Variants in SLC1A1 observed in about 807,000 individuals in gnomAD.
SLC1A1 encodes the protein excitatory amino acid transporter 3.
SLC1A1 carries 43 observed loss-of-function variants against 53.3 expected under a neutral mutation model. The ratio of observed to expected loss-of-function variants is 0.81; its 90% confidence interval spans 0.63 to 1.04. The LOEUF (loss-of-function observed/expected upper bound fraction) is 1.04, where lower values mean the gene tolerates loss of function less well. Ranked by LOEUF, SLC1A1 falls within the 50% of genes least tolerant of loss-of-function variation. The pLI is 0.00. For synonymous variants in SLC1A1, 307 were observed against 243.2 expected (o/e 1.26, Z -2.44); for missense variants, 748 against 664.9 (o/e 1.12, Z -1.37).
chr9:4,531,765 G>C (rs531968869), intron 1 of SLC1A1, among the ~76,000 whole-genome samples: 1 of 152,124 alleles, frequency 6.6e-6, no homozygotes, highest in Non-Finnish European at 1.5e-5. Context: ...CTCCTCAAGT[G>C]GGTCCCTGAC....
chr9:4,541,043 G>T (rs1344989923), intron 1 of SLC1A1, among the ~76,000 whole-genome samples: 1 of 152,184 alleles, frequency 6.6e-6, no homozygotes, highest in African/African-American at 2.4e-5. Flanking sequence ...CTGTGTCTGT[G>T]GTGGGAAGGA....
intron 10 of SLC1A1, among the ~76,000 whole-genome samples, chr9:4,577,743 G>A (rs1172032829): frequency 3.9e-5 from 6 of 152,184 alleles, no homozygotes; most frequent in South Asian, 2.1e-4. Flanking sequence ...CCAAAGTGCC[G>A]GGATTATAGG....
In SLC1A1 at chr9:4,490,753, T is replaced by G. The variant is rs1820203209; in HGVS notation, c.74T>G (p.Val25Gly). Residue 25 changes from valine to glycine, a missense_variant, in exon 1 of 12, where the codon GTG becomes GGG. Transcript: ENST00000262352. ...AATAACTGGGTGTTGCTGTCCACCG[T>G]GGCCGCGGTGGTGCTAGGTGAGCGG... is the stretch of plus-strand genomic sequence containing the variant. ...LKNNWVLLST[V>G]AAVVLGITTG... 2 of 1,612,178 alleles carry G rather than the reference T, an allele frequency of 1.2e-6. No individual in the cohort carries two copies. Among genetic ancestry groups the G allele is most frequent in the Non-Finnish European group, 1.7e-6 (2 of 1,178,650 alleles).
chr9:4,494,428 C>T (rs1385163792), intron 1 of SLC1A1, among the ~76,000 whole-genome samples: 1 of 152,002 alleles, frequency 6.6e-6, no homozygotes, highest in African/African-American at 2.4e-5. Context: ...TTAATATTTT[C>T]TTATGAAATA....
chr9:4,502,596 C>T (rs558294131), intron 1 of SLC1A1, among the ~76,000 whole-genome samples: 2 of 151,518 alleles, frequency 1.3e-5, no homozygotes, highest in East Asian at 3.9e-4. Flanking sequence ...CCCATTTTAC[C>T]AGATGAGGAA....
rs185038250 is a variant in SLC1A1, at chr9:4,514,803, T to C, written c.91+24033T>C. ...GCAGAATGAACTGGCAGAGACAAGA[T>C]TGTATGCAGAAAGAGTTTTAGGAAG... On this transcript the variant is annotated intron_variant, in intron 1 of 11. Transcript: ENST00000262352. Among the ~76,000 whole-genome samples the C allele has an allele frequency of 8.5e-5, 13 of 152,218 alleles. No homozygotes were observed. The East Asian group carries it at 1.2e-3, about 14-fold the overall frequency.
Position 4,490,768 on chromosome 9 carries a change from T to C in SLC1A1, c.89T>C (p.Leu30Pro), listed in dbSNP as rs1448790496. ...CTGTCCACCGTGGCCGCGGTGGTGC[T>C]AGGTGAGCGGCGCGGCGGGTGGGCG... ...VLLSTVAAVVLGITTGVLVRE... is the reference protein window; with the variant it reads ...VLLSTVAAVVPGITTGVLVRE... The change falls in exon 1 of 12, where the codon CTA becomes CCA. Residue 30 changes from leucine (L) to proline (P), a missense_variant and splice_region_variant. Transcript: ENST00000262352. 1.2e-6 allele frequency: 2 copies of C among 1,610,970 alleles called. No homozygotes were observed. Among genetic ancestry groups the C allele is most frequent in the Non-Finnish European group, 1.7e-6 (2 of 1,177,756 alleles).
intron 1 of SLC1A1, among the ~76,000 whole-genome samples, chr9:4,513,625 T>C (rs536641476): frequency 6.6e-6 from 1 of 152,136 alleles, no homozygotes; most frequent in South Asian, 2.1e-4. Context: ...GTACAGCCAC[T>C]CTAAAAAACA....
chr9:4,562,442 C>T (rs1272860707), intron 3 of SLC1A1, among the ~76,000 whole-genome samples: 1 of 152,078 alleles, frequency 6.6e-6, no homozygotes, highest in Non-Finnish European at 1.5e-5. Flanking sequence ...TAAAATATTT[C>T]CAGAAATATA....
chr9:4,529,699 T>C (rs898716805), intron 1 of SLC1A1, among the ~76,000 whole-genome samples: 4 of 152,150 alleles, frequency 2.6e-5, no homozygotes, highest in African/African-American at 9.7e-5. Context: ...TTTTTGTGTG[T>C]GTGTGTGTGT....
At chr9:4,584,986 G>A (rs926509201) in intron 11 of SLC1A1, among the ~76,000 whole-genome samples, 1 of 152,166 alleles carries the variant, frequency 6.6e-6, no homozygotes, top group East Asian at 1.9e-4. Flanking sequence ...TCCCAAGATA[G>A]AGGTTAGGGC....
At chr9:4,585,099 C>T (rs1016521829) in intron 11 of SLC1A1, among the ~76,000 whole-genome samples, 51 of 152,162 alleles carry the variant, frequency 3.4e-4, no homozygotes, top group African/African-American at 1.2e-3. Context: ...TTTAGGGAGA[C>T]TTAGGGGAGT....
At chr9:4,546,038 T>C (rs1242913980) in intron 2 of SLC1A1, among the ~76,000 whole-genome samples, 1 of 152,066 alleles carries the variant, frequency 6.6e-6, no homozygotes, top group Non-Finnish European at 1.5e-5. Flanking sequence ...CTGGCCCTGG[T>C]AGAGTACTGG....
intron 1 of SLC1A1, among the ~76,000 whole-genome samples, chr9:4,535,445 A>T (rs1422141481): frequency 6.6e-6 from 1 of 152,088 alleles, no homozygotes; most frequent in East Asian, 1.9e-4. Flanking sequence ...TCATGAGTGA[A>T]CTCCCATTCA....
chr9:4,571,686 A>G (rs922058793), intron 6 of SLC1A1, among the ~76,000 whole-genome samples: 4 of 151,544 alleles, frequency 2.6e-5, no homozygotes, highest in African/African-American at 9.7e-5. Context: ...CAGAAAAAAT[A>G]AATAAATAAA....
intron 1 of SLC1A1, among the ~76,000 whole-genome samples, chr9:4,514,809 G>C (rs975465469): frequency 2.0e-5 from 3 of 152,180 alleles, no homozygotes; most frequent in Non-Finnish European, 4.4e-5. Context: ...AAGATTGTAT[G>C]CAGAAAGAGT....
At chr9:4,576,828 C>A in intron 10 of SLC1A1, 65 bp downstream of exon 10, 1 of 1,402,438 alleles carries the variant, frequency 7.1e-7, no homozygotes. Context: ...AAAAATTGTC[C>A]ATGAAGGGAC....
intron 10 of SLC1A1, 27 bp downstream of exon 10, chr9:4,576,790 C>T (rs755531811): frequency 3.2e-6 from 5 of 1,587,104 alleles, no homozygotes; most frequent in Non-Finnish European, 4.3e-6. Context: ...CATTCATTGT[C>T]ATCACTGATA....
intron 1 of SLC1A1, among the ~76,000 whole-genome samples, chr9:4,540,430 T>C (rs540917885): frequency 3.9e-5 from 6 of 152,244 alleles, no homozygotes; most frequent in African/African-American, 1.4e-4. Flanking sequence ...AGAGCAACTG[T>C]CTCATGCAAA....
Sources: gnomAD v4.1 joint callset for allele counts (sites outside exome capture counted in the v4.1 genomes callset) on GRCh38, gnomAD v4.1.1 for gene constraint, MANE v1.5 for transcripts, NCBI Gene and HGNC (gene_info 2026-07-23, HGNC 2026-07-21) for gene names.